DZIP1L: variants seen among roughly 807,000 people sequenced by gnomAD.
The protein encoded by DZIP1L is DAZ interacting zinc finger protein 1 like.
DZIP1L carries 90 observed loss-of-function variants against 88.7 expected under a neutral mutation model. That is an observed-to-expected ratio of 1.02 (90% CI 0.86 to 1.21). The LOEUF is 1.21. Among genes scored for constraint, DZIP1L ranks in the 50% most tolerant of loss-of-function variants. DZIP1L has a pLI of 0.00. For missense variants in DZIP1L, 932 were observed against 955.8 expected (o/e 0.98, Z 0.33); for synonymous variants, 363 against 372.1 (o/e 0.98, Z 0.28).
intron 2 of DZIP1L, chr3:138,101,413 G>C: frequency 4.2e-6 from 3 of 707,554 alleles, no homozygotes; most frequent in Non-Finnish European, 7.6e-6. Flanking sequence ...CTGCACAGCA[G>C]CCTCCCCCGC....
chr3:138,104,577 C>G (rs2042422853), intron 1 of DZIP1L, among the ~76,000 whole-genome samples: 4 of 152,246 alleles, frequency 2.6e-5, no homozygotes, highest in Admixed American at 2.6e-4. Context: ...TCTCATATAA[C>G]TACAGGATTC....
intron 7 of DZIP1L, among the ~76,000 whole-genome samples, chr3:138,085,378 G>A (rs1462192874): frequency 2.6e-5 from 4 of 151,342 alleles, no homozygotes; most frequent in African/African-American, 4.9e-5. Flanking sequence ...GCTAATATCT[G>A]GAATCTACAA....
chr3:138,106,866 AAAAGAGAGAGAGAGAGAG>A (rs2107862863), intron 1 of DZIP1L, among the ~76,000 whole-genome samples: 1 of 92,762 alleles, frequency 1.1e-5, no homozygotes, highest in South Asian at 3.6e-4. Flanking sequence ...GGCCAAAAAA[AAAAGAGAGAGAGAGAGAG>A]AAAGAGAGAG....
intron 8 of DZIP1L, 33 bp from the exon 9 acceptor site, chr3:138,081,797 C>A: frequency 1.2e-6 from 2 of 1,609,940 alleles, no homozygotes; most frequent in Non-Finnish European, 1.7e-6. Context: ...GGGTTACAAC[C>A]AGCAGAGAAC....
In DZIP1L at chr3:138,068,218, C is replaced by A. The variant is rs138745459; in HGVS notation, c.1765G>T (p.Ala589Ser). The A allele has an allele frequency of 2.5e-6, 4 of 1,591,348 alleles. No individual in the cohort carries two copies. The highest frequency in any genetic ancestry group is 2.6e-6 in the Non-Finnish European group (3 of 1,167,926). The change falls in exon 13 of 16, where the codon GCC becomes TCC. Residue 589 changes from alanine (A) to serine (S), a missense_variant. By Grantham distance (99) the Ala-to-Ser change is moderately conservative. Transcript: ENST00000327532. The part of the protein sequence containing the change: ...SHGSSLTQVS[A>S]PAPRPGLHGP... ...TGCAGTCCGGGGCGTGGAGCGGGGG[C>A]GGACACCTGGGTCAGGCTGGAGCCA...
At chr3:138,064,530 C>A in intron 15 of DZIP1L, 98 bp downstream of exon 15, 2 of 1,613,116 alleles carry the variant, frequency 1.2e-6, no homozygotes, top group Non-Finnish European at 1.7e-6. Flanking sequence ...AAGGATGACA[C>A]TTGCTGGGCC....
intron 9 of DZIP1L, 131 bp downstream of exon 9, chr3:138,081,603 G>T: frequency 1.1e-6 from 1 of 896,094 alleles, no homozygotes; most frequent in Non-Finnish European, 1.7e-6. Flanking sequence ...CCAGAAGCCT[G>T]ACACTACATG....
intron 5 of DZIP1L, among the ~76,000 whole-genome samples, chr3:138,091,318 T>C (rs1944210806): frequency 1.3e-5 from 2 of 151,736 alleles, no homozygotes; most frequent in Non-Finnish European, 2.9e-5. Context: ...TTTCTTTACC[T>C]ATAAAGAAAG....
chr3:138,080,174 GA>G (rs1452137919), intron 10 of DZIP1L, among the ~76,000 whole-genome samples: 1 of 152,212 alleles, frequency 6.6e-6, no homozygotes, highest in African/African-American at 2.4e-5. Flanking sequence ...TCACAATGTA[GA>G]AAAAAACAGC....
chr3:138,090,392 G>A (rs747634914), intron 5 of DZIP1L, among the ~76,000 whole-genome samples: 4 of 152,120 alleles, frequency 2.6e-5, no homozygotes, highest in South Asian at 2.1e-4. Context: ...GCACTGCGTC[G>A]GGGAAGTGTG....
At position 138,103,741 on chromosome 3, in the gene DZIP1L, C is replaced by T; in HGVS notation, c.231G>A (p.Gln77=). The part of the protein sequence containing the change: ...LDREVCSRCG[Q]PVDPALLKVL... ...CCTTGAGCAGTGCCGGGTCCACAGG[C>T]TGCCCACAGCGGCTGCACACCTCCC... Residue 77 remains glutamine (Q), a synonymous_variant, in exon 2 of 16, where the codon CAG becomes CAA. Transcript: ENST00000327532. 1 of 1,613,884 alleles carries T rather than the reference C, an allele frequency of 6.2e-7. No homozygotes were observed. The highest frequency in any genetic ancestry group is 1.3e-5 in the African/African-American group (1 of 75,076).
chr3:138,074,731 C>CG (rs1943326275), intron 11 of DZIP1L, among the ~76,000 whole-genome samples: 1 of 92,242 alleles, frequency 1.1e-5, no homozygotes, highest in Admixed American at 1.3e-4. Context: ...CAATAATACA[C>CG]GAAAAAAAAA....
chr3:138,109,751 C>T (rs895189700), intron 1 of DZIP1L, among the ~76,000 whole-genome samples: 7 of 152,178 alleles, frequency 4.6e-5, no homozygotes, highest in African/African-American at 1.7e-4. Flanking sequence ...AAATGTGGCA[C>T]ATATACACCA....
chr3:138,086,977 A>G lies in DZIP1L; in HGVS notation c.1046T>C (p.Met349Thr), dbSNP rs770538165. 1.8e-5 allele frequency: 29 copies of G among 1,613,910 alleles called. No individual in the cohort carries two copies. The highest frequency in any genetic ancestry group is 2.5e-6 in the Non-Finnish European group (3 of 1,179,996). ...AAAAGCTACCTCTTTCTTCTCAGCCATGTGCTCTTCATGCAGTTCCTTCAC... is the reference window on the plus strand; with the variant it reads ...AAAAGCTACCTCTTTCTTCTCAGCCGTGTGCTCTTCATGCAGTTCCTTCAC... The part of the protein sequence containing the change: ...RKVKELHEEH[M>T]AEKKELQEEN... The change falls in exon 7 of 16, where the codon ATG becomes ACG. Residue 349 changes from methionine to threonine, a missense_variant. Coordinates refer to ENST00000327532, the MANE Select transcript of DZIP1L (RefSeq NM_173543.3).
At chr3:138,077,939 T>C (rs887910132) in intron 10 of DZIP1L, among the ~76,000 whole-genome samples, 5 of 152,166 alleles carry the variant, frequency 3.3e-5, no homozygotes, top group Non-Finnish European at 7.3e-5. Flanking sequence ...AGATCGCTGC[T>C]CCCTCAAGTT....
chr3:138,113,591 C>T (rs1015269464), intron 1 of DZIP1L: 1 of 152,228 alleles, frequency 6.6e-6, no homozygotes, highest in Non-Finnish European at 1.5e-5. Flanking sequence ...TGCAAACAGG[C>T]TATGCACACA....
chr3:138,081,974 T>G, intron 8 of DZIP1L: 1 of 460,700 alleles, frequency 2.2e-6, no homozygotes, highest in East Asian at 3.7e-5. Context: ...GCATGCTCCA[T>G]TTTCCAAGGT....
At chr3:138,105,365 AAT>A (rs553482947) in intron 1 of DZIP1L, among the ~76,000 whole-genome samples, 12 of 150,140 alleles carry the variant, frequency 8.0e-5, no homozygotes, top group Admixed American at 1.3e-4. Flanking sequence ...ATTTTATATA[AAT>A]ATATATATAT....
chr3:138,075,517 C>G (rs1292076553), intron 11 of DZIP1L, among the ~76,000 whole-genome samples: 2 of 152,200 alleles, frequency 1.3e-5, no homozygotes, highest in African/African-American at 4.8e-5. Context: ...CAAAACCATG[C>G]AAATACATGG....
Sources: gnomAD v4.1 joint callset for allele counts (sites outside exome capture counted in the v4.1 genomes callset) on GRCh38, gnomAD v4.1.1 for gene constraint, MANE v1.5 for transcripts, NCBI Gene and HGNC (gene_info 2026-07-23, HGNC 2026-07-21) for gene names.